Variants in ULK4 observed in about 807,000 individuals in gnomAD.
ULK4 encodes the protein inactive serine/threonine-protein kinase ULK4.
In ULK4, 133 loss-of-function variants were observed where a neutral mutation model predicts 160.6. That is an observed-to-expected ratio of 0.83 (90% confidence interval 0.72 to 0.96). The LOEUF is 0.96. ULK4 is among the 40% of genes least tolerant of loss of function. The pLI is 0.00. For missense variants in ULK4, 1,580 were observed against 1,499.5 expected, an observed-to-expected ratio of 1.05 and a Z score of -0.89; for synonymous variants, 534 against 539.8, an observed-to-expected ratio of 0.99 and a Z score of 0.15.
At chr3:41,930,118 T>C (rs1699539839) in intron 5 of ULK4, among the ~76,000 whole-genome samples, 1 of 152,136 alleles carries the variant, frequency 6.6e-6, no homozygotes, top group Non-Finnish European at 1.5e-5. Flanking sequence ...CAAAACAGTA[T>C]GGTACTGGTA....
intron 18 of ULK4, among the ~76,000 whole-genome samples, chr3:41,827,983 C>T (rs56377114): frequency 4.0e-5 from 6 of 151,576 alleles, no homozygotes; most frequent in East Asian, 1.9e-4. Context: ...TGGGATGCAA[C>T]GCTGGTTCAA....
At chr3:41,574,816 G>A (rs2088131723) in intron 31 of ULK4, among the ~76,000 whole-genome samples, 2 of 152,150 alleles carry the variant, frequency 1.3e-5, no homozygotes, top group Admixed American at 6.5e-5. Flanking sequence ...AAAGTGCTGG[G>A]ATTACAGGCG....
intron 21 of ULK4, among the ~76,000 whole-genome samples, chr3:41,765,395 C>T (rs1468084538): frequency 6.6e-6 from 1 of 152,038 alleles, no homozygotes; most frequent in South Asian, 2.1e-4. Flanking sequence ...ACATCACACA[C>T]CGGGGCCTGT....
chr3:41,924,747 G>GT (rs1179588698), intron 5 of ULK4, among the ~76,000 whole-genome samples: 1 of 152,132 alleles, frequency 6.6e-6, no homozygotes, highest in East Asian at 1.9e-4. Context: ...GGCCCTGAAA[G>GT]TTTAATTTCC....
chr3:41,365,292 A>G (rs2081233625), intron 35 of ULK4, among the ~76,000 whole-genome samples: 1 of 152,208 alleles, frequency 6.6e-6, no homozygotes, highest in Non-Finnish European at 1.5e-5. Flanking sequence ...ATTTGACAAT[A>G]TTTGGTAGCC....
intron 30 of ULK4, among the ~76,000 whole-genome samples, chr3:41,643,370 A>G (rs1171102649): frequency 3.3e-5 from 5 of 152,180 alleles, no homozygotes; most frequent in Non-Finnish European, 4.4e-5. Context: ...ATTTTTGTAT[A>G]AGGTGTAAGG....
At position 41,918,493 on chromosome 3, in the gene ULK4, T is replaced by A. The variant is rs1221375797; in HGVS notation, c.691A>T (p.Ile231Phe). Residue 231 changes from isoleucine to phenylalanine, a missense_variant, in exon 7 of 37, where the codon ATC becomes TTC. Coordinates refer to ENST00000301831, the MANE Select transcript of ULK4 (RefSeq NM_017886.4). ...SESISELTEK[I>F]LCEDPLPPIP... is the part of the protein sequence containing the mutation. The stretch of plus-strand genomic sequence containing the variant: ...GGTGGCAAAGGATCTTCACATAAGA[T>A]CTTTTCAGTTAATTCTGAAATACTT... 1.3e-6 allele frequency: 2 copies of A among 1,585,528 alleles called. No individual in the cohort carries two copies. The highest frequency in any genetic ancestry group is 3.7e-5 in the Admixed American group (2 of 54,132).
chr3:41,824,304 G>A (rs530654654), intron 18 of ULK4, among the ~76,000 whole-genome samples: 1 of 152,146 alleles, frequency 6.6e-6, no homozygotes, highest in South Asian at 2.1e-4. Flanking sequence ...ACTGGGGAGT[G>A]TCGGACAGTG....
At chr3:41,868,361 C>T (rs1432742081) in intron 17 of ULK4, among the ~76,000 whole-genome samples, 2 of 152,172 alleles carry the variant, frequency 1.3e-5, no homozygotes, top group Non-Finnish European at 2.9e-5. Context: ...GTAATACTCC[C>T]TTAATTTCTA....
rs559176386 is a variant in ULK4 at position 41,569,441 on chromosome 3, T to C, written c.3121-3311A>G. On this transcript the variant is annotated intron_variant, in intron 31 of 36. Transcript: ENST00000301831. Reference sequence around the variant, plus strand: ...GTTTCTGAGGATTTTAGGAGTTGCATGCTAGGAAACAGGGGTGAAGATCAA... The same window carrying C: ...GTTTCTGAGGATTTTAGGAGTTGCACGCTAGGAAACAGGGGTGAAGATCAA... Among the ~76,000 whole-genome samples, 6 of 152,284 alleles carry C rather than the reference T, an allele frequency of 3.9e-5. No individual in the cohort carries two copies. The South Asian group carries it at 1.2e-3, about 32-fold the overall frequency.
chr3:41,874,723 G>C (rs971458755), intron 17 of ULK4, among the ~76,000 whole-genome samples: 1 of 152,052 alleles, frequency 6.6e-6, no homozygotes, highest in African/African-American at 2.4e-5. Flanking sequence ...GGAGGGGAGA[G>C]GGATTAAAAA....
chr3:41,663,368 T>C (rs377765086), intron 30 of ULK4, among the ~76,000 whole-genome samples: 29 of 152,222 alleles, frequency 1.9e-4, no homozygotes, highest in African/African-American at 6.8e-4. Flanking sequence ...AAAGAAGTTA[T>C]CATTTTAAAG....
intron 35 of ULK4, among the ~76,000 whole-genome samples, chr3:41,392,998 C>G (rs1350425391): frequency 6.6e-6 from 1 of 152,134 alleles, no homozygotes; most frequent in Non-Finnish European, 1.5e-5. Context: ...CAATCTCATG[C>G]AGTCTTCAGA....
intron 27 of ULK4, among the ~76,000 whole-genome samples, chr3:41,683,993 C>T (rs549234439): frequency 6.6e-6 from 1 of 152,322 alleles, no homozygotes; most frequent in Admixed American, 6.5e-5. Context: ...CGTCCTGATC[C>T]ATTTTTCCTT....
chr3:41,649,708 A>C (rs2034660841), intron 30 of ULK4, among the ~76,000 whole-genome samples: 1 of 152,224 alleles, frequency 6.6e-6, no homozygotes, highest in African/African-American at 2.4e-5. Flanking sequence ...ACAGGCCTAC[A>C]GGTGCCCCAC....
At chr3:41,752,137 T>G (rs1332095589) in intron 22 of ULK4, among the ~76,000 whole-genome samples, 1 of 152,240 alleles carries the variant, frequency 6.6e-6, no homozygotes, top group African/African-American at 2.4e-5. Flanking sequence ...GTACAAGAAA[T>G]GATCTAACAG....
At chr3:41,531,460 G>A (rs1212062356) in intron 32 of ULK4, among the ~76,000 whole-genome samples, 2 of 91,188 alleles carry the variant, frequency 2.2e-5, no homozygotes, top group Non-Finnish European at 4.8e-5. Flanking sequence ...GGAGGGGAGG[G>A]GAGGGGAGGG....
At chr3:41,741,948 C>G (rs997163736) in intron 22 of ULK4, among the ~76,000 whole-genome samples, 3 of 151,792 alleles carry the variant, frequency 2.0e-5, no homozygotes, top group Admixed American at 6.6e-5. Flanking sequence ...AAGCCTCCAA[C>G]CCAGAACTGT....
intron 21 of ULK4, among the ~76,000 whole-genome samples, chr3:41,773,728 G>T (rs149185725): frequency 6.6e-6 from 1 of 152,112 alleles, no homozygotes; most frequent in Non-Finnish European, 1.5e-5. Flanking sequence ...CGACTTTCAA[G>T]TTCATATGGA....
Sources: gnomAD v4.1 joint callset for allele counts (sites outside exome capture counted in the v4.1 genomes callset) on GRCh38, gnomAD v4.1.1 for gene constraint, MANE v1.5 for transcripts, NCBI Gene and HGNC (gene_info 2026-07-23, HGNC 2026-07-21) for gene names.